Variants in DIMT1 observed in about 807,000 individuals in gnomAD.
DIMT1 encodes dimethyladenosine transferase.
DIMT1 carries 36 observed loss-of-function variants against 43.2 expected under a neutral mutation model. That is an observed-to-expected ratio of 0.83 (90% confidence interval 0.64 to 1.10). The LOEUF is 1.10. Ranked by LOEUF, DIMT1 falls within the 50% of genes least tolerant of loss-of-function variation. The pLI is 0.00. For synonymous variants in DIMT1, 126 were observed against 130.3 expected (o/e 0.97, Z 0.22); for missense variants, 341 against 385.3 (o/e 0.88, Z 0.96).
intron 9 of DIMT1, among the ~76,000 whole-genome samples, 162 bp from the exon 10 acceptor site, chr5:62,392,396 A>G (rs530420923): frequency 6.6e-6 from 1 of 152,312 alleles, no homozygotes; most frequent in African/African-American, 2.4e-5. Context: ...AGGAATTTTA[A>G]AAGTTGTTGA....
chr5:62,399,536 C>G (rs556051939), intron 3 of DIMT1, among the ~76,000 whole-genome samples: 1 of 151,808 alleles, frequency 6.6e-6, no homozygotes, highest in Admixed American at 6.6e-5. Flanking sequence ...CCCAGCTACT[C>G]AGGAGGCTGA....
chr5:62,393,748 C>T lies in DIMT1; in HGVS notation c.663+207G>A, dbSNP rs1313770984. On this transcript the variant is annotated intron_variant, in intron 8 of 11. Coordinates refer to ENST00000199320, the MANE Select transcript of DIMT1 (RefSeq NM_014473.4). ...TTTTCCTAGTTTTATTCCATTTTTTCTTTTTTTTTTTTGAGACTGGGTCTC... is the reference window on the plus strand; with the variant it reads ...TTTTCCTAGTTTTATTCCATTTTTTTTTTTTTTTTTTTGAGACTGGGTCTC... 1.1e-4 allele frequency among the ~76,000 whole-genome samples: 16 copies of T among 145,224 alleles called. No individual in the cohort carries two copies. The East Asian group carries it at 2.8e-3, about 25-fold the overall frequency.
rs1742131047 is a variant in DIMT1, at chr5:62,388,284, C to A, written c.*726G>T. 6.6e-6 allele frequency: 1 copy of A among 152,174 alleles called. No individual in the cohort carries two copies. Among genetic ancestry groups the A allele is most frequent in the South Asian group, 2.1e-4 (1 of 4,828 alleles). 9.4% of individuals were successfully genotyped at this position (152,174 alleles called of 1,614,324 possible). On this transcript the variant is annotated 3_prime_UTR_variant, in exon 12 of 12. Transcript: ENST00000199320. ...AATTTTGCTAAGCCTATAGTTATCT[C>A]CCTAAGAACCATAAAAAAAGATAAT... is the stretch of plus-strand genomic sequence containing the variant.
rs184386672 is a variant in DIMT1, at chr5:62,399,623, G to A, written c.241-742C>T. ...TGTGCCACTGCATTCCAGCCTGGGT[G>A]ACAAAGTGAGACTCCATCTCAAAAA... On this transcript the variant is annotated intron_variant, in intron 3 of 11. Coordinates refer to ENST00000199320, the MANE Select transcript of DIMT1 (RefSeq NM_014473.4). 3.2e-3 allele frequency among the ~76,000 whole-genome samples: 472 copies of A among 147,796 alleles called. 3 individuals are homozygous for A. The highest frequency in any genetic ancestry group is 0.011 in the African/African-American group (459 of 40,016).
chr5:62,398,130 CA>C (rs1396398906), intron 6 of DIMT1, among the ~76,000 whole-genome samples: 2 of 151,676 alleles, frequency 1.3e-5, no homozygotes, highest in African/African-American at 2.4e-5. Context: ...TATTTTGGTG[CA>C]AAAAAATTTT....
At chr5:62,392,332 A>G (rs1742339067) in intron 9 of DIMT1, 98 bp from the exon 10 acceptor site, 3 of 889,394 alleles carry the variant, frequency 3.4e-6, no homozygotes, top group Non-Finnish European at 5.4e-6. Context: ...AAGCCATTTA[A>G]GCAATAATTT....
chr5:62,393,917 T>C (rs767404572), intron 8 of DIMT1, 38 bp downstream of exon 8: 1 of 1,572,272 alleles, frequency 6.4e-7, no homozygotes, highest in East Asian at 2.3e-5. Context: ...CCTGGACTTT[T>C]TTTTCCTTTA....
At chr5:62,400,085 C>T (rs985461909) in intron 3 of DIMT1, among the ~76,000 whole-genome samples, 19 of 152,134 alleles carry the variant, frequency 1.2e-4, no homozygotes, top group Admixed American at 9.8e-4. Context: ...TAGAGAAGAG[C>T]GTACAATGCA....
rs536115500 is a variant in DIMT1, at chr5:62,399,892, G to A, written c.241-1011C>T. On this transcript the variant is annotated intron_variant, in intron 3 of 11. Coordinates refer to ENST00000199320, the MANE Select transcript of DIMT1 (RefSeq NM_014473.4). ...CAGCACTCCAGCCTGGCAACAGAGC[G>A]AGACTCCATCTCAAAAACAAACAAA... Among the ~76,000 whole-genome samples, 10 of 152,090 alleles carry A rather than the reference G, an allele frequency of 6.6e-5. No homozygotes were observed. In the East Asian group the frequency reaches 1.7e-3, roughly 27 times the overall value.
chr5:62,393,238 A>ATT (rs542695581), intron 8 of DIMT1, among the ~76,000 whole-genome samples: 1 of 148,624 alleles, frequency 6.7e-6, no homozygotes, highest in South Asian at 2.1e-4. Flanking sequence ...AAGCATGACA[A>ATT]TTTTTTTTTT....
At position 62,403,632 on chromosome 5, in the gene DIMT1, A is replaced by C. The variant is rs1018852725; in HGVS notation, c.79+62T>G. On this transcript the variant is annotated intron_variant, in intron 1 of 11. Transcript: ENST00000199320. ...CCGATCAGGTCTTGGTCCGCACCCC[A>C]GGCTAGGTCCTGCCGGAAGACCTGA... 3.2e-6 allele frequency: 5 copies of C among 1,542,688 alleles called. No individual in the cohort carries two copies. The African/African-American group carries it at 4.1e-5, about 13-fold the overall frequency.
At position 62,403,297 on chromosome 5, in the gene DIMT1, G is replaced by T. The variant is rs1430682544; in HGVS notation, c.129C>A (p.Leu43=). 2 of 1,613,192 alleles carry T rather than the reference G, an allele frequency of 1.2e-6. No individual in the cohort carries two copies. Among genetic ancestry groups the T allele is most frequent in the African/African-American group, 1.3e-5 (1 of 74,900 alleles). ...CCTTATCGATAATGCTGTTAATAAT[G>T]AGAGGATTTTTCAAAATGTGCTGCC... The part of the protein sequence containing the change: ...GIGQHILKNP[L]IINSIIDKAA... The change falls in exon 2 of 12, where the codon CTC becomes CTA. Residue 43 remains leucine, a synonymous_variant. Coordinates refer to ENST00000199320, the MANE Select transcript of DIMT1 (RefSeq NM_014473.4).
rs1580115069 is a variant in DIMT1 at position 62,387,945 on chromosome 5, G to A, written c.*1065C>T. ...TCTATTAAGTTAGGTATTAAAAAAAGCCAAATATCAATAAAGATATTTTTA... is the reference window on the plus strand; with the variant it reads ...TCTATTAAGTTAGGTATTAAAAAAAACCAAATATCAATAAAGATATTTTTA... On this transcript the variant is annotated 3_prime_UTR_variant, in exon 12 of 12. Coordinates refer to ENST00000199320, the MANE Select transcript of DIMT1 (RefSeq NM_014473.4). 1.3e-5 allele frequency: 2 copies of A among 151,870 alleles called. No individual in the cohort carries two copies. Among genetic ancestry groups the A allele is most frequent in the Admixed American group, 1.3e-4 (2 of 15,250 alleles). The allele number at this position is 151,870 out of a possible 1,614,324, so 9.4% of individuals were successfully genotyped here.
chr5:62,397,943 T>G (rs1208091832), intron 6 of DIMT1, among the ~76,000 whole-genome samples: 1 of 152,114 alleles, frequency 6.6e-6, no homozygotes, highest in Non-Finnish European at 1.5e-5. Context: ...TCCATAAACT[T>G]TTTGTAAAGC....
chr5:62,391,467 T>G, intron 10 of DIMT1: 1 of 160,892 alleles, frequency 6.2e-6, no homozygotes, highest in East Asian at 1.8e-4. Flanking sequence ...TATCCAAATA[T>G]TTTTCTTAAT....
chr5:62,400,532 CG>C (rs1408485114), intron 3 of DIMT1, among the ~76,000 whole-genome samples: 2 of 151,578 alleles, frequency 1.3e-5, no homozygotes, highest in Non-Finnish European at 2.9e-5. Flanking sequence ...GGATTATAGG[CG>C]GGAGGCACCA....
At chr5:62,397,676 TCTCG>T (rs1439085122) in intron 6 of DIMT1, among the ~76,000 whole-genome samples, 2 of 151,124 alleles carry the variant, frequency 1.3e-5, no homozygotes, top group African/African-American at 2.4e-5. Context: ...TGAGACGGAG[TCTCG>T]CTCAGTCGCC....
rs1054897 is a variant in DIMT1, at chr5:62,388,133, A to C, written c.*877T>G. On this transcript the variant is annotated 3_prime_UTR_variant, in exon 12 of 12. Transcript: ENST00000199320. ...TTAAAATAGCTTAAAACTAAGCACC[A>C]GGTATATGAAAAAGGAACTGGAAAT... The C allele has an allele frequency of 2.0e-5, 3 of 152,056 alleles. No individual in the cohort carries two copies. The highest frequency in any genetic ancestry group is 4.4e-5 in the Non-Finnish European group (3 of 68,012). 9.4% of individuals were successfully genotyped at this position (152,056 alleles called of 1,614,324 possible). A position where few individuals can be genotyped will look rare whatever the true frequency, so the allele number is the denominator to read the frequency against.
chr5:62,394,576 C>T lies in DIMT1; in HGVS notation c.478G>A (p.Ala160Thr). The T allele has an allele frequency of 1.2e-6, 2 of 1,614,140 alleles. No homozygotes were observed. Among genetic ancestry groups the T allele is most frequent in the Non-Finnish European group, 1.7e-6 (2 of 1,180,028 alleles). The change falls in exon 7 of 12, where the codon GCC becomes ACC. Residue 160 changes from alanine to threonine, a missense_variant. By Grantham distance (58) the Ala-to-Thr change is moderately conservative. Coordinates refer to ENST00000199320, the MANE Select transcript of DIMT1 (RefSeq NM_014473.4). ...CAILMFQREFALRLVAKPGDK... is the reference protein window; with the variant it reads ...CAILMFQREFTLRLVAKPGDK... ...CCAGGTTTTGCAACCAGTCGGAGGG[C>T]AAATTCTCTTTGAAACATAAGTATA...
Sources: allele counts gnomAD v4.1 joint callset (sites outside exome capture counted in the v4.1 genomes callset), GRCh38; gene constraint gnomAD v4.1.1; transcripts MANE v1.5; gene names NCBI Gene and HGNC (gene_info 2026-07-23, HGNC 2026-07-21).